Variants in OSBP2 observed in about 807,000 individuals in gnomAD.
OSBP2 encodes the protein oxysterol binding protein 2, also known as oxysterol-binding protein 2.
Under a neutral mutation model 96.0 loss-of-function variants are expected in OSBP2, and 66 were observed. The ratio of observed to expected loss-of-function variants is 0.69; its 90% CI spans 0.56 to 0.84. The LOEUF (loss-of-function observed/expected upper bound fraction) is 0.84, where lower values mean the gene tolerates loss of function less well. OSBP2 is among the 40% of genes least tolerant of loss of function. OSBP2 has a pLI of 0.00. For missense variants in OSBP2, 1,038 were observed against 1,222.7 expected, an observed-to-expected ratio of 0.85 and a Z score of 2.25; for synonymous variants, 525 against 520.9, an observed-to-expected ratio of 1.01 and a Z score of -0.11.
chr22:30,906,120 G>GT, intron 13 of OSBP2, 51 bp downstream of exon 13: 1 of 1,607,138 alleles, frequency 6.2e-7, no homozygotes. Flanking sequence ...GGGTGCCCGG[G>GT]TGGGGGTGCC....
intron 1 of OSBP2, among the ~76,000 whole-genome samples, chr22:30,711,097 A>G (rs1211926840): frequency 2.0e-5 from 3 of 152,006 alleles, no homozygotes; most frequent in South Asian, 2.1e-4. Flanking sequence ...AAGGAGCCAC[A>G]TTTCTTTTTG....
intron 12 of OSBP2, chr22:30,894,256 T>TA (rs2040017225): frequency 2.4e-6 from 1 of 414,734 alleles, no homozygotes; most frequent in Non-Finnish European, 4.3e-6. Context: ...CTACAAGAAA[T>TA]AAAAAACATA....
chr22:30,711,722 A>C (rs532295914), intron 1 of OSBP2, among the ~76,000 whole-genome samples: 4 of 148,860 alleles, frequency 2.7e-5, no homozygotes, highest in Middle Eastern at 3.5e-3. Flanking sequence ...CCTGGGTGAC[A>C]CAATGAGACC....
intron 1 of OSBP2, among the ~76,000 whole-genome samples, chr22:30,702,916 G>A (rs1270715037): frequency 1.3e-5 from 2 of 152,228 alleles, no homozygotes; most frequent in Non-Finnish European, 2.9e-5. Flanking sequence ...ATAGATGAGT[G>A]AGTAAATGAA....
In OSBP2 at chr22:30,907,632, T is replaced by C. The variant is rs565606578; in HGVS notation, c.*1293T>C. On this transcript the variant is annotated 3_prime_UTR_variant, in exon 14 of 14. Coordinates refer to ENST00000332585, the MANE Select transcript of OSBP2 (RefSeq NM_030758.4). ...AGGACTGGTTTTGTTTTTATATATATAAAAAAAAAAAGTGAAAACACCAAT... is the reference window on the plus strand; with the variant it reads ...AGGACTGGTTTTGTTTTTATATATACAAAAAAAAAAAGTGAAAACACCAAT... 3.5e-5 allele frequency: 5 copies of C among 141,900 alleles called. No homozygotes were observed. The highest frequency in any genetic ancestry group is 7.7e-5 in the Non-Finnish European group (5 of 64,724). The allele number at this position is 141,900 out of a possible 1,614,324, so 8.8% of individuals were successfully genotyped here. A position where few individuals can be genotyped will look rare whatever the true frequency, so the allele number is the denominator to read the frequency against.
intron 3 of OSBP2, among the ~76,000 whole-genome samples, chr22:30,877,492 G>A (rs1427133856): frequency 6.6e-6 from 1 of 152,182 alleles, no homozygotes; most frequent in Non-Finnish European, 1.5e-5. Flanking sequence ...CAGTGGCACT[G>A]CCTCTGTCAC....
At chr22:30,895,450 G>C (rs2040042063) in intron 12 of OSBP2, among the ~76,000 whole-genome samples, 1 of 152,154 alleles carries the variant, frequency 6.6e-6, no homozygotes, top group Non-Finnish European at 1.5e-5. Context: ...ATAGCTTCCA[G>C]GGAGGAGCAA....
At chr22:30,790,167 C>T (rs772430855) in intron 2 of OSBP2, among the ~76,000 whole-genome samples, 6 of 151,984 alleles carry the variant, frequency 3.9e-5, no homozygotes, top group African/African-American at 9.7e-5. Context: ...ATGTGGATGA[C>T]GCACAGGGCT....
intron 2 of OSBP2, chr22:30,842,772 CT>C (rs1306523884): frequency 6.6e-6 from 1 of 152,106 alleles, no homozygotes; most frequent in Non-Finnish European, 1.5e-5. Flanking sequence ...TCAGTTCGTT[CT>C]TTCTTTCTTT....
Position 30,708,478 on chromosome 22 carries a change from A to ATTTTTTTTTTT in OSBP2, c.644+12943_644+12953dup, listed in dbSNP as rs56361178. On this transcript the variant is annotated intron_variant, in intron 1 of 13. Coordinates refer to ENST00000332585, the MANE Select transcript of OSBP2 (RefSeq NM_030758.4). Reference sequence around the variant, plus strand: ...CAGTATATATCTCTAAAGGATAAGGATTTTTTTTTTTTTTTTTTTTTTTTT... The same window carrying ATTTTTTTTTTT: ...CAGTATATATCTCTAAAGGATAAGGATTTTTTTTTTTTTTTTTTTTTTTTTTTTTTTTTTTT... Among the ~76,000 whole-genome samples, 10 of 63,476 alleles carry ATTTTTTTTTTT rather than the reference A, an allele frequency of 1.6e-4. 2 individuals carry two copies. The highest frequency in any genetic ancestry group is 2.7e-4 in the Non-Finnish European group (10 of 37,354). 41.6% of individuals were successfully genotyped at this position (63,476 alleles called of 152,430 possible).
chr22:30,892,914 G>T (rs1367973614), intron 8 of OSBP2, among the ~76,000 whole-genome samples: 1 of 152,194 alleles, frequency 6.6e-6, no homozygotes, highest in African/African-American at 2.4e-5. Flanking sequence ...AGAGGCTCAG[G>T]ACAGCACCCG....
At chr22:30,791,295 A>G (rs1369747771) in intron 2 of OSBP2, among the ~76,000 whole-genome samples, 2 of 143,474 alleles carry the variant, frequency 1.4e-5, no homozygotes, top group Non-Finnish European at 3.0e-5. Flanking sequence ...TTCAGGCTGC[A>G]GGAGCTTATA....
At chr22:30,728,223 C>A (rs1381708429) in intron 1 of OSBP2, among the ~76,000 whole-genome samples, 1 of 151,670 alleles carries the variant, frequency 6.6e-6, no homozygotes, top group Non-Finnish European at 1.5e-5. Flanking sequence ...AGTGAAACCC[C>A]ATCTCTACTA....
intron 3 of OSBP2, among the ~76,000 whole-genome samples, chr22:30,874,597 G>A (rs191679518): frequency 1.2e-3 from 186 of 152,268 alleles, no homozygotes; most frequent in African/African-American, 3.9e-3. Context: ...CCCATTCCAC[G>A]CACCGTCTGG....
At chr22:30,892,725 G>C (rs574437141) in intron 8 of OSBP2, among the ~76,000 whole-genome samples, 66 of 152,262 alleles carry the variant, frequency 4.3e-4, no homozygotes, top group Admixed American at 2.0e-3. Flanking sequence ...GGGCCCCCTT[G>C]GTATAACATG....
intron 2 of OSBP2, among the ~76,000 whole-genome samples, chr22:30,748,929 A>G (rs575651184): frequency 6.6e-6 from 1 of 152,324 alleles, no homozygotes; most frequent in South Asian, 2.1e-4. Flanking sequence ...CAGCGTGGCC[A>G]ACATGGTGAA....
At position 30,893,747 on chromosome 22, in the gene OSBP2, GC is replaced by G; in HGVS notation, c.2190+16del. 6.2e-7 allele frequency: 1 copy of G among 1,613,790 alleles called. No homozygotes were observed. The highest frequency in any genetic ancestry group is 1.6e-4 in the Middle Eastern group (1 of 6,062). ...GCAGCCCGGAAGGTAAGCAGGACCA[GC>G]CACCTCTAAGCACCCCAGGGGGCCC... On this transcript the variant is annotated intron_variant, in intron 11 of 13. Coordinates refer to ENST00000332585, the MANE Select transcript of OSBP2 (RefSeq NM_030758.4).
In OSBP2 at chr22:30,695,401, T is replaced by C. The variant is rs1422777638; in HGVS notation, c.492T>C (p.Val164=). 1 of 1,613,782 alleles carries C rather than the reference T, an allele frequency of 6.2e-7. No homozygotes were observed. Among genetic ancestry groups the C allele is most frequent in the East Asian group, 2.2e-5 (1 of 44,888 alleles). ...GACAGGCGAAGACTCCTCTTGGGGT[T>C]CCAATGTCGGGGACTGGCACGACCT... The part of the protein sequence containing the change: ...RPGQAKTPLG[V]PMSGTGTTSS... Residue 164 remains valine, a synonymous_variant, in exon 1 of 14, where the codon GTT becomes GTC. Transcript: ENST00000332585.
At chr22:30,879,488 G>A (rs1046252973) in intron 3 of OSBP2, among the ~76,000 whole-genome samples, 1 of 152,240 alleles carries the variant, frequency 6.6e-6, no homozygotes, top group Non-Finnish European at 1.5e-5. Flanking sequence ...TGGGGACTGG[G>A]AAGGGCTGAA....
Sources: gnomAD v4.1 joint callset for allele counts (sites outside exome capture counted in the v4.1 genomes callset) on GRCh38, gnomAD v4.1.1 for gene constraint, MANE v1.5 for transcripts, NCBI Gene and HGNC (gene_info 2026-07-23, HGNC 2026-07-21) for gene names.